ADAMTSL2: variants seen among roughly 807,000 people sequenced by gnomAD.
ADAMTSL2 encodes ADAMTS like 2.
ADAMTSL2 carries 55 observed loss-of-function variants against 117.0 expected under a neutral mutation model. The ratio of observed to expected loss-of-function variants is 0.47; its 90% CI spans 0.38 to 0.59. The LOEUF (loss-of-function observed/expected upper bound fraction) is 0.59. ADAMTSL2 is among the 20% of genes least tolerant of loss of function. ADAMTSL2 has a pLI of 0.00. For missense variants in ADAMTSL2, 1,182 were observed against 1,354.5 expected, an observed-to-expected ratio of 0.87 and a Z score of 2.00; for synonymous variants, 572 against 566.4, an observed-to-expected ratio of 1.01 and a Z score of -0.14.
At position 133,536,793 on chromosome 9, in the gene ADAMTSL2, C is replaced by T. The variant is rs776273406; in HGVS notation, c.81C>T (p.Thr27=). 22 of 1,614,090 alleles carry T rather than the reference C, an allele frequency of 1.4e-5. No homozygotes were observed. The Admixed American group carries it at 2.3e-4, about 17-fold the overall frequency. ...LAVVAGDTVS[T]GSTDNSPTSN... is the part of the protein sequence containing the mutation. ...TTGTAGCTGGGGACACAGTGTCAAC[C>T]GGGTCCACGGTGAGTGGGGTGTTGT... is the stretch of plus-strand genomic sequence containing the variant. The change falls in exon 2 of 19, where the codon ACC becomes ACT. Residue 27 remains threonine, a synonymous_variant. Transcript: ENST00000651351.
intron 18 of ADAMTSL2, 107 bp downstream of exon 18, chr9:133,574,094 T>C: frequency 1.9e-5 from 27 of 1,441,802 alleles, no homozygotes; most frequent in Non-Finnish European, 2.4e-5. Context: ...ATGGCGAGCC[T>C]GGGAACCAGC....
At chr9:133,571,004 C>G (rs923292166) in intron 17 of ADAMTSL2, among the ~76,000 whole-genome samples, 26 of 152,208 alleles carry the variant, frequency 1.7e-4, no homozygotes, top group Non-Finnish European at 3.7e-4. Flanking sequence ...GTCTCCTGCA[C>G]GGGTCTGGCC....
chr9:133,537,109 G>C (rs1588274293), intron 2 of ADAMTSL2, among the ~76,000 whole-genome samples: 1 of 152,300 alleles, frequency 6.6e-6, no homozygotes, highest in East Asian at 1.9e-4. Context: ...TGGGCCCTGA[G>C]CTGCTCCGGG....
intron 16 of ADAMTSL2, 92 bp downstream of exon 16, chr9:133,569,670 T>A: frequency 7.8e-7 from 1 of 1,285,850 alleles, no homozygotes; most frequent in Non-Finnish European, 1.1e-6. Flanking sequence ...CACAGATGGG[T>A]GAAAAAGAGG....
intron 9 of ADAMTSL2, among the ~76,000 whole-genome samples, chr9:133,548,123 T>C (rs1236990216): frequency 1.3e-5 from 2 of 152,132 alleles, no homozygotes; most frequent in African/African-American, 2.4e-5. Context: ...CTCCCTGTGG[T>C]GGGTTTCATT....
Position 133,568,377 on chromosome 9 carries a change from C to A in ADAMTSL2, c.1979C>A (p.Ser660Tyr). The change falls in exon 14 of 19, where the codon TCC becomes TAC. Residue 660 changes from serine to tyrosine, a missense_variant. Transcript: ENST00000651351. Reference protein sequence around the residue: ...WKMLSPGFDSSVYSDLCEAAE... With the variant: ...WKMLSPGFDSYVYSDLCEAAE... Reference sequence around the variant, plus strand: ...ATGCTCTCGCCCGGCTTCGACAGCTCCGTGTACAGCGACCTGTGCGAGGCA... The same window carrying A: ...ATGCTCTCGCCCGGCTTCGACAGCTACGTGTACAGCGACCTGTGCGAGGCA... 1.2e-6 allele frequency: 2 copies of A among 1,605,374 alleles called. No homozygotes were observed. Among genetic ancestry groups the A allele is most frequent in the Non-Finnish European group, 1.7e-6 (2 of 1,176,770 alleles).
chr9:133,545,210 C>T (rs1830320083), intron 8 of ADAMTSL2, among the ~76,000 whole-genome samples: 1 of 152,182 alleles, frequency 6.6e-6, no homozygotes, highest in South Asian at 2.1e-4. Context: ...CCTTGGGCCA[C>T]AGTGGGCAGG....
In ADAMTSL2 at chr9:133,547,035, C is replaced by T. The variant is rs761353595; in HGVS notation, c.764-3C>T. 1.2e-6 allele frequency: 2 copies of T among 1,613,754 alleles called. No individual in the cohort carries two copies. The highest frequency in any genetic ancestry group is 2.2e-5 in the East Asian group (1 of 44,872). ...TTTGTGACCGGCGGCTTTGCCCTTC[C>T]AGCTCTTGCAGACGAAGCTGGCTAC... On this transcript the variant is annotated splice_polypyrimidine_tract_variant and splice_region_variant and intron_variant, in intron 8 of 18. Coordinates refer to ENST00000651351, the MANE Select transcript of ADAMTSL2 (RefSeq NM_014694.4).
At position 133,540,710 on chromosome 9, in the gene ADAMTSL2, C is replaced by T. The variant is rs1290528577; in HGVS notation, c.525C>T (p.Asp175=). ...ARDGTSCKLT[D]LRGVCVSGKC... ...ACGGCACATCCTGCAAGCTCACTGACCTGCGAGGGGTTTGCGTGTCTGGAA... is the reference window on the plus strand; with the variant it reads ...ACGGCACATCCTGCAAGCTCACTGATCTGCGAGGGGTTTGCGTGTCTGGAA... The change falls in exon 6 of 19, where the codon GAC becomes GAT. Residue 175 remains aspartate (D), a synonymous_variant. Coordinates refer to ENST00000651351, the MANE Select transcript of ADAMTSL2 (RefSeq NM_014694.4). 2 of 1,613,924 alleles carry T rather than the reference C, an allele frequency of 1.2e-6. No individual in the cohort carries two copies. Among genetic ancestry groups the T allele is most frequent in the South Asian group, 1.1e-5 (1 of 91,080 alleles).
chr9:133,538,948 A>G (rs1258512435), intron 4 of ADAMTSL2, among the ~76,000 whole-genome samples: 1 of 152,192 alleles, frequency 6.6e-6, no homozygotes, highest in Non-Finnish European at 1.5e-5. Flanking sequence ...GGGCAGTTGG[A>G]ACCTGAACAC....
chr9:133,544,575 G>A (rs751165074), intron 8 of ADAMTSL2, 25 bp downstream of exon 8: 1 of 1,596,396 alleles, frequency 6.3e-7, no homozygotes, highest in Admixed American at 1.7e-5. Context: ...TCTGGCAGCT[G>A]CCTCACTGAG....
chr9:133,568,579 T>C (rs1831031728), intron 14 of ADAMTSL2, 24 bp from the exon 15 acceptor site: 3 of 1,444,456 alleles, frequency 2.1e-6, no homozygotes, highest in African/African-American at 1.5e-5. Context: ...ACACCCCCCC[T>C]GCCCCCTCCC....
chr9:133,565,388 T>C (rs1588306458), intron 12 of ADAMTSL2, among the ~76,000 whole-genome samples: 1 of 152,110 alleles, frequency 6.6e-6, no homozygotes, highest in African/African-American at 2.4e-5. Context: ...GCCTGCCGCG[T>C]TTCCACTCCG....
At chr9:133,540,824 C>CG (rs1257050771) in intron 6 of ADAMTSL2, 54 bp from the exon 7 acceptor site, 9 of 1,613,120 alleles carry the variant, frequency 5.6e-6, no homozygotes, top group Non-Finnish European at 7.6e-6. Context: ...GTGGCGGCCC[C>CG]GGGGCCTGGC....
intron 17 of ADAMTSL2, among the ~76,000 whole-genome samples, chr9:133,573,378 A>T (rs1831155443): frequency 6.6e-6 from 1 of 152,190 alleles, no homozygotes; most frequent in South Asian, 2.1e-4. Flanking sequence ...GGCCCACAAC[A>T]AACAGTCTGC....
At chr9:133,535,444 C>G (rs28697911) in intron 1 of ADAMTSL2, among the ~76,000 whole-genome samples, 22,766 of 151,826 alleles carry the variant, frequency 0.15, 1,779 homozygotes, top group East Asian at 0.2. Context: ...ACTGCTGCGT[C>G]GTCCGGGCTG....
At chr9:133,551,599 A>G (rs9696947) in intron 9 of ADAMTSL2, among the ~76,000 whole-genome samples, 47,803 of 151,616 alleles carry the variant, frequency 0.32, 8,168 homozygotes, top group Middle Eastern at 0.39. Flanking sequence ...GTATTTATTT[A>G]CTGCAGATGG....
At chr9:133,568,252 G>A in intron 13 of ADAMTSL2, 21 bp from the exon 14 acceptor site, 2 of 1,549,672 alleles carry the variant, frequency 1.3e-6, no homozygotes, top group Non-Finnish European at 1.7e-6. Context: ...GATCATTGAA[G>A]GCCATCCGCT....
At position 133,537,424 on chromosome 9, in the gene ADAMTSL2, A is replaced by G. The variant is rs1482469237; in HGVS notation, c.110A>G (p.Asn37Ser). 3.0e-6 allele frequency: 4 copies of G among 1,340,878 alleles called. No individual in the cohort carries two copies. Among genetic ancestry groups the G allele is most frequent in the Non-Finnish European group, 3.9e-6 (4 of 1,037,160 alleles). The allele number at this position is 1,340,878 out of a possible 1,614,324, so 83.1% of individuals were successfully genotyped here. Residue 37 changes from asparagine (N) to serine (S), a missense_variant, in exon 3 of 19, where the codon AAT becomes AGT. Around this residue, in one of 3 missense-constraint regions of ADAMTSL2, gnomAD observed 372 missense variants for 463.4 expected, o/e 0.80. Coordinates refer to ENST00000651351, the MANE Select transcript of ADAMTSL2 (RefSeq NM_014694.4). The stretch of plus-strand genomic sequence containing the variant: ...ACCCAGGACAACAGCCCAACATCCA[A>G]TAGCCTGGAGGGGGGCACCGACGCC... ...TGSTDNSPTS[N>S]SLEGGTDATA... is the part of the protein sequence containing the mutation.
Sources: allele counts gnomAD v4.1 joint callset (sites outside exome capture counted in the v4.1 genomes callset), GRCh38; gene constraint gnomAD v4.1.1; regional missense constraint gnomAD v4.1.1; transcripts MANE v1.5; gene names NCBI Gene and HGNC (gene_info 2026-07-23, HGNC 2026-07-21).